DDX10: variants seen among roughly 807,000 people sequenced by gnomAD.
DDX10 encodes the protein probable ATP-dependent RNA helicase DDX10.
DDX10 carries 74 observed loss-of-function variants against 104.3 expected under a neutral mutation model. The ratio of observed to expected loss-of-function variants is 0.71; its 90% CI spans 0.59 to 0.86. The LOEUF is 0.86. DDX10 is among the 40% of genes least tolerant of loss of function. The pLI, the probability that DDX10 is intolerant of heterozygous loss-of-function variation, is 0.00. For missense variants in DDX10, 952 were observed against 1,040.0 expected (o/e 0.92, Z 1.16); for synonymous variants, 351 against 353.4 (o/e 0.99, Z 0.08).
chr11:108,702,426 G>A (rs1250815221), intron 9 of DDX10, among the ~76,000 whole-genome samples: 1 of 152,148 alleles, frequency 6.6e-6, no homozygotes, highest in Non-Finnish European at 1.5e-5. Flanking sequence ...GGGTGGCTAG[G>A]CAGTTGTGAA....
intron 7 of DDX10, among the ~76,000 whole-genome samples, chr11:108,689,611 C>T (rs570665773): frequency 2.6e-5 from 4 of 152,160 alleles, no homozygotes; most frequent in Non-Finnish European, 4.4e-5. Context: ...AGTTAATAAA[C>T]ACTTCTTGAA....
intron 7 of DDX10, among the ~76,000 whole-genome samples, chr11:108,689,363 C>T (rs1827540007): frequency 6.6e-6 from 1 of 152,126 alleles, no homozygotes; most frequent in Non-Finnish European, 1.5e-5. Context: ...TAATCTGATA[C>T]CTCCCTTACC....
rs755086724 is a variant in DDX10, at chr11:108,723,022, C to G, written c.1525C>G (p.Arg509Gly). 6.2e-7 allele frequency: 1 copy of G among 1,610,678 alleles called. No homozygotes were observed. The highest frequency in any genetic ancestry group is 1.3e-5 in the African/African-American group (1 of 74,548). ...GTCTCTTGGTCTTGCTGTGGCACCA[C>G]GCGTAAGATTTCTTCAGAAAATGCA... ...ALSLGLAVAP[R>G]VRFLQKMQKQ... is the part of the protein sequence containing the mutation. Residue 509 changes from arginine (R) to glycine (G), a missense_variant, in exon 13 of 18, where the codon CGC (arginine) becomes GGC (glycine). Transcript: ENST00000322536.
chr11:108,842,513 C>A (rs1172847821), intron 15 of DDX10, among the ~76,000 whole-genome samples: 1 of 152,058 alleles, frequency 6.6e-6, no homozygotes, highest in African/African-American at 2.4e-5. Context: ...ATTCTCATTT[C>A]TTTATTTTAA....
At chr11:108,679,254 A>G (rs2094231034) in intron 5 of DDX10, 117 bp from the exon 6 acceptor site, 1 of 838,572 alleles carries the variant, frequency 1.2e-6, no homozygotes, top group Non-Finnish European at 1.8e-6. Context: ...TTCAGGTTTT[A>G]CCAGTTTTTC....
chr11:108,769,951 T>G (rs907916341), intron 13 of DDX10, among the ~76,000 whole-genome samples: 2 of 152,186 alleles, frequency 1.3e-5, no homozygotes, highest in African/African-American at 4.8e-5. Context: ...AAAAAAAATT[T>G]AGTGAGAAAG....
intron 13 of DDX10, among the ~76,000 whole-genome samples, chr11:108,724,683 A>G (rs899406290): frequency 6.6e-6 from 1 of 152,092 alleles, no homozygotes; most frequent in Non-Finnish European, 1.5e-5. Flanking sequence ...ATCACTTTCT[A>G]AGAATCATGA....
intron 13 of DDX10, among the ~76,000 whole-genome samples, chr11:108,811,300 T>C (rs1862176723): frequency 6.6e-6 from 1 of 152,158 alleles, no homozygotes; most frequent in Admixed American, 6.6e-5. Flanking sequence ...CTAAATTATA[T>C]GGTAGGAATT....
At chr11:108,794,712 G>A (rs1861915646) in intron 13 of DDX10, among the ~76,000 whole-genome samples, 1 of 152,022 alleles carries the variant, frequency 6.6e-6, no homozygotes, top group Non-Finnish European at 1.5e-5. Flanking sequence ...TTCCTGGCAT[G>A]TACCCCTCTT....
At position 108,813,659 on chromosome 11, in the gene DDX10, A is replaced by G. The variant is rs367637358; in HGVS notation, c.1966-24787A>G. Among the ~76,000 whole-genome samples the G allele has an allele frequency of 2.0e-5, 3 of 152,234 alleles. No homozygotes were observed. In the South Asian group the frequency reaches 6.2e-4, roughly 32 times the overall value. ...ACAGGGCCTTCACTACTCTAATGTTATAAAAGAATAAACCCTGGGAGAATT... is the reference window on the plus strand; with the variant it reads ...ACAGGGCCTTCACTACTCTAATGTTGTAAAAGAATAAACCCTGGGAGAATT... On this transcript the variant is annotated intron_variant, in intron 13 of 17. Coordinates refer to ENST00000322536, the MANE Select transcript of DDX10 (RefSeq NM_004398.4).
At chr11:108,846,729 TA>T (rs1467247474) in intron 15 of DDX10, among the ~76,000 whole-genome samples, 1 of 152,212 alleles carries the variant, frequency 6.6e-6, no homozygotes, top group East Asian at 1.9e-4. Flanking sequence ...AACGTTGCAA[TA>T]AACATGAGAG....
chr11:108,822,376 CT>C, intron 13 of DDX10: 1 of 403,502 alleles, frequency 2.5e-6, no homozygotes, highest in Non-Finnish European at 4.9e-6. Context: ...CAAGTCTGCC[CT>C]TTCTGCCTTC....
chr11:108,890,824 A>C (rs1225334742), intron 16 of DDX10, among the ~76,000 whole-genome samples: 1 of 152,108 alleles, frequency 6.6e-6, no homozygotes, highest in Non-Finnish European at 1.5e-5. Context: ...TAAAGAGCTG[A>C]AGGTTGAGAC....
At chr11:108,813,742 G>A (rs943004836) in intron 13 of DDX10, among the ~76,000 whole-genome samples, 1 of 152,090 alleles carries the variant, frequency 6.6e-6, no homozygotes, top group South Asian at 2.1e-4. Flanking sequence ...TTGGAATTCT[G>A]TTGCAAGATG....
chr11:108,723,149 A>T lies in DDX10; in HGVS notation c.1652A>T (p.Tyr551Phe), dbSNP rs767786952. 4.2e-5 allele frequency: 67 copies of T among 1,613,770 alleles called. 1 individual carries two copies. Among genetic ancestry groups the T allele is most frequent in the South Asian group, 2.6e-4 (24 of 91,068 alleles). ...GACGAAGTGGAAGAATTTAGAGCCT[A>T]CTTCAATGAGAAAATGTCCATCCTT... ...TNDEVEEFRAYFNEKMSILQK... is the reference protein window; with the variant it reads ...TNDEVEEFRAFFNEKMSILQK... Residue 551 changes from tyrosine to phenylalanine, a missense_variant, in exon 13 of 18, where the codon TAC becomes TTC. This residue lies in a region of DDX10 where 533 missense variants were observed against 534.1 expected (regional missense o/e 1.00). Transcript: ENST00000322536.
intron 13 of DDX10, among the ~76,000 whole-genome samples, chr11:108,736,297 G>C (rs1055362336): frequency 2.6e-5 from 4 of 151,572 alleles, no homozygotes; most frequent in Non-Finnish European, 5.9e-5. Context: ...ATACAGTGTT[G>C]TGGTGTGTTT....
At chr11:108,931,952 C>T (rs1329737534) in intron 17 of DDX10, among the ~76,000 whole-genome samples, 1 of 151,842 alleles carries the variant, frequency 6.6e-6, no homozygotes, top group Non-Finnish European at 1.5e-5. Context: ...TTTAGTGAGC[C>T]AACAAAAGCT....
intron 13 of DDX10, among the ~76,000 whole-genome samples, chr11:108,790,583 A>G (rs1474322370): frequency 3.3e-5 from 5 of 152,146 alleles, no homozygotes; most frequent in Admixed American, 1.3e-4. Flanking sequence ...ACATGTGCCA[A>G]AAAGAATATA....
At chr11:108,676,689 C>T (rs967656857) in intron 3 of DDX10, among the ~76,000 whole-genome samples, 3 of 152,218 alleles carry the variant, frequency 2.0e-5, no homozygotes, top group African/African-American at 7.2e-5. Flanking sequence ...TCAAGTGATG[C>T]ACCCGCCTCC....
Sources: allele counts gnomAD v4.1 joint callset (sites outside exome capture counted in the v4.1 genomes callset), GRCh38; gene constraint gnomAD v4.1.1; regional missense constraint gnomAD v4.1.1; transcripts MANE v1.5; gene names NCBI Gene and HGNC (gene_info 2026-07-23, HGNC 2026-07-21).